ASCC3: variants seen among roughly 807,000 people sequenced by gnomAD.
ASCC3 encodes ASC-1 complex subunit P200.
A neutral mutation model predicts 256.3 loss-of-function variants in ASCC3; 158 were observed. The observed-to-expected ratio is 0.62, with a 90% CI of 0.54 to 0.70. The LOEUF (loss-of-function observed/expected upper bound fraction) is 0.70, where lower values mean the gene tolerates loss of function less well. ASCC3 is among the 30% of genes least tolerant of loss of function. The pLI is 0.00. For missense variants in ASCC3, 2,259 were observed against 2,626.0 expected, an observed-to-expected ratio of 0.86 and a Z score of 3.05; for synonymous variants, 948 against 883.4, an observed-to-expected ratio of 1.07 and a Z score of -1.30.
chr6:100,783,648 A>T (rs899749217), intron 8 of ASCC3, among the ~76,000 whole-genome samples: 1 of 152,164 alleles, frequency 6.6e-6, no homozygotes, highest in African/African-American at 2.4e-5. Context: ...ACCAGAGAAG[A>T]TCTTACATAC....
At chr6:100,625,463 G>T in intron 29 of ASCC3, 129 bp from the exon 30 acceptor site, 1 of 1,073,556 alleles carries the variant, frequency 9.3e-7, no homozygotes, top group Non-Finnish European at 1.4e-6. Flanking sequence ...TGGCATTATT[G>T]CAGGTACTAC....
chr6:100,694,037 G>A (rs925643282), intron 13 of ASCC3, among the ~76,000 whole-genome samples: 14 of 152,196 alleles, frequency 9.2e-5, no homozygotes, highest in African/African-American at 3.1e-4. Flanking sequence ...GGTATAGGAG[G>A]AAATCTTCCA....
rs770807747 is a variant in ASCC3, at chr6:100,627,629, A to G, written c.4603T>C (p.Cys1535Arg). ...HIQGFPGQHY[C>R]PRMASMNKPA... ...TTGTTCATACTAGCCATACGAGGACAGTAATGTTGACCTGGAAAGCCTTGA... is the reference window on the plus strand; with the variant it reads ...TTGTTCATACTAGCCATACGAGGACGGTAATGTTGACCTGGAAAGCCTTGA... The change falls in exon 29 of 42, where the codon TGT becomes CGT. Residue 1535 changes from cysteine to arginine, a missense_variant. Coordinates refer to ENST00000369162, the MANE Select transcript of ASCC3 (RefSeq NM_006828.4). 2 of 1,613,646 alleles carry G rather than the reference A, an allele frequency of 1.2e-6. No individual in the cohort carries two copies. The highest frequency in any genetic ancestry group is 1.1e-5 in the South Asian group (1 of 91,082).
chr6:100,849,561 A>G (rs1324432322), intron 3 of ASCC3, among the ~76,000 whole-genome samples: 1 of 152,160 alleles, frequency 6.6e-6, no homozygotes, highest in Non-Finnish European at 1.5e-5. Flanking sequence ...ATTATAAAAT[A>G]AAAAAGAAAG....
chr6:100,759,422 A>G (rs1781331149), intron 10 of ASCC3, among the ~76,000 whole-genome samples: 1 of 152,130 alleles, frequency 6.6e-6, no homozygotes, highest in Non-Finnish European at 1.5e-5. Context: ...TGTATAAGGT[A>G]TACAGAAGGG....
chr6:100,708,766 A>C (rs1227831240), intron 13 of ASCC3, among the ~76,000 whole-genome samples: 1 of 152,158 alleles, frequency 6.6e-6, no homozygotes, highest in Non-Finnish European at 1.5e-5. Context: ...TATATATGTT[A>C]ATCATATTTA....
rs540593021 is a variant in ASCC3 at position 100,776,931 on chromosome 6, C to A, written c.1396-9586G>T. The stretch of plus-strand genomic sequence containing the variant: ...AAGGACATACATTACATAATTTTCA[C>A]AGTTTTTCTTCGGCTCCCTATAAAA... On this transcript the variant is annotated intron_variant, in intron 8 of 41. Transcript: ENST00000369162. Among the ~76,000 whole-genome samples the A allele has an allele frequency of 7.6e-4, 116 of 152,052 alleles. 2 individuals carry two copies. The highest frequency in any genetic ancestry group is 5.2e-4 in the Non-Finnish European group (35 of 67,932).
intron 11 of ASCC3, among the ~76,000 whole-genome samples, chr6:100,724,158 A>C (rs1249229210): frequency 6.7e-6 from 1 of 148,980 alleles, no homozygotes; most frequent in East Asian, 1.9e-4. Flanking sequence ...CAAAAAAAAA[A>C]ACAAAAAAAA....
intron 1 of ASCC3, among the ~76,000 whole-genome samples, chr6:100,878,912 T>C (rs1010181058): frequency 1.3e-5 from 2 of 152,214 alleles, no homozygotes; most frequent in Admixed American, 1.3e-4. Flanking sequence ...TATCTAGAGA[T>C]ACTGTCATAT....
At chr6:100,754,842 T>C (rs996478286) in intron 10 of ASCC3, among the ~76,000 whole-genome samples, 1 of 152,132 alleles carries the variant, frequency 6.6e-6, no homozygotes, top group Non-Finnish European at 1.5e-5. Context: ...GTTCTCATAA[T>C]AGTGAATAAG....
intron 2 of ASCC3, among the ~76,000 whole-genome samples, chr6:100,867,052 A>C (rs2114553664): frequency 6.6e-6 from 1 of 152,356 alleles, no homozygotes; most frequent in African/African-American, 2.4e-5. Context: ...ATCCATCAGA[A>C]GAAATTACTT....
intron 34 of ASCC3, among the ~76,000 whole-genome samples, chr6:100,590,422 A>C (rs768228484): frequency 6.6e-6 from 1 of 152,160 alleles, no homozygotes; most frequent in Non-Finnish European, 1.5e-5. Context: ...CTGAATGTGC[A>C]TCCCTGCAAC....
chr6:100,674,542 T>C (rs1279601661), intron 14 of ASCC3, among the ~76,000 whole-genome samples: 2 of 152,076 alleles, frequency 1.3e-5, no homozygotes, highest in Non-Finnish European at 2.9e-5. Flanking sequence ...TAAACTGTTA[T>C]CTTCTTTCTC....
chr6:100,618,564 G>A lies in ASCC3; in HGVS notation c.4785+6628C>T, dbSNP rs190461590. On this transcript the variant is annotated intron_variant, in intron 30 of 41. Transcript: ENST00000369162. ...TATGTACTCAGTGGCCAAAGTAAAA[G>A]AGATGAAAATTATGCATGGGTGAAA... is the stretch of plus-strand genomic sequence containing the variant. Among the ~76,000 whole-genome samples the A allele has an allele frequency of 9.0e-4, 137 of 152,294 alleles. 1 individual carries two copies. The highest frequency in any genetic ancestry group is 1.2e-4 in the Non-Finnish European group (8 of 68,036).
intron 36 of ASCC3, among the ~76,000 whole-genome samples, chr6:100,577,911 T>C (rs1325136970): frequency 2.0e-5 from 3 of 152,044 alleles, no homozygotes; most frequent in African/African-American, 7.2e-5. Flanking sequence ...AGCAACGAAA[T>C]TGAGTATGAA....
intron 13 of ASCC3, among the ~76,000 whole-genome samples, chr6:100,682,267 C>T (rs1425674242): frequency 6.6e-6 from 1 of 151,860 alleles, no homozygotes; most frequent in Admixed American, 6.6e-5. Flanking sequence ...CATTAACTAC[C>T]AAGTCCTGAT....
At chr6:100,728,219 TA>T (rs1055620029) in intron 10 of ASCC3, among the ~76,000 whole-genome samples, 17 of 151,270 alleles carry the variant, frequency 1.1e-4, no homozygotes, top group Non-Finnish European at 2.4e-4. Flanking sequence ...TCATATTTAA[TA>T]AAAAAACACA....
chr6:100,858,853 A>G, intron 3 of ASCC3: 1 of 510,650 alleles, frequency 2.0e-6, no homozygotes, highest in East Asian at 4.6e-5. Context: ...GGCCCCAAAA[A>G]TACGTAATTT....
intron 29 of ASCC3, among the ~76,000 whole-genome samples, chr6:100,626,799 CTT>C (rs1774259357): frequency 1.3e-5 from 2 of 152,040 alleles, no homozygotes; most frequent in South Asian, 2.1e-4. Context: ...AAATGGATCT[CTT>C]GTCTTTCTTT....
Sources: allele counts gnomAD v4.1 joint callset (sites outside exome capture counted in the v4.1 genomes callset), GRCh38; gene constraint gnomAD v4.1.1; transcripts MANE v1.5; gene names NCBI Gene and HGNC (gene_info 2026-07-23, HGNC 2026-07-21).